The following CASK variants were observed in gnomAD, a reference collection of about 807,000 sequenced individuals.
CASK encodes calcium/calmodulin dependent serine protein kinase.
A neutral mutation model predicts 82.9 loss-of-function variants in CASK; 4 were observed. The ratio of observed to expected loss-of-function variants is 0.05; its 90% CI spans 0.02 to 0.11. The LOEUF (loss-of-function observed/expected upper bound fraction) is 0.11, where lower values mean the gene tolerates loss of function less well. CASK is among the 10% of genes least tolerant of loss of function. CASK has a pLI of 1.00. For missense variants in CASK, 358 were observed against 720.9 expected (o/e 0.50, Z 5.76); for synonymous variants, 259 against 253.5 (o/e 1.02, Z -0.20).
Position 41,692,039 on chromosome X carries a change from G to A in CASK, c.430-20509C>T, listed in dbSNP as rs186954652. Among the ~76,000 whole-genome samples the A allele has an allele frequency of 1.2e-3, 134 of 110,758 alleles. 2 individuals carry two copies. The highest frequency in any genetic ancestry group is 4.3e-3 in the African/African-American group (130 of 30,466). ...CTCCCAAAGTGTTGGGATTACAGGCGTGAGCCACTGTACCTGGCCAACCTT... is the reference window on the plus strand; with the variant it reads ...CTCCCAAAGTGTTGGGATTACAGGCATGAGCCACTGTACCTGGCCAACCTT... On this transcript the variant is annotated intron_variant, in intron 5 of 26. Coordinates refer to ENST00000378163, the MANE Select transcript of CASK (RefSeq NM_001367721.1).
chrX:41,909,643 C>T (rs1044936479), intron 1 of CASK, among the ~76,000 whole-genome samples: 2 of 110,297 alleles, frequency 1.8e-5, no homozygotes, highest in East Asian at 5.8e-4. Flanking sequence ...CTCGCTCTAT[C>T]GCCCAGGCTG....
chrX:41,538,348 T>G (rs1200856797), intron 22 of CASK, among the ~76,000 whole-genome samples: 1 of 111,843 alleles, frequency 8.9e-6, no homozygotes, highest in Non-Finnish European at 1.9e-5. Flanking sequence ...AATAGAGTAT[T>G]TCGGGGCTCT....
At chrX:41,837,159 A>C (rs752581383) in intron 2 of CASK, among the ~76,000 whole-genome samples, 90 of 112,170 alleles carry the variant, frequency 8.0e-4, no homozygotes, top group East Asian at 2.8e-3. Context: ...ATTTTTTAAA[A>C]TTTTAAAATA....
At chrX:41,904,329 A>C (rs1235344439) in intron 1 of CASK, among the ~76,000 whole-genome samples, 3 of 112,085 alleles carry the variant, frequency 2.7e-5, no homozygotes, top group Non-Finnish European at 5.6e-5. Flanking sequence ...TGAATCTAGC[A>C]AAGTTGCAGG....
intron 3 of CASK, among the ~76,000 whole-genome samples, chrX:41,776,030 TATA>T (rs2069357888): frequency 9.0e-6 from 1 of 110,767 alleles, no homozygotes; most frequent in African/African-American, 3.3e-5. Context: ...AAACTTAAGG[TATA>T]ATAATAATAA....
At position 41,515,348 on chromosome X, in the gene CASK, T is replaced by C. The variant is rs1278120435; in HGVS notation, c.*5072A>G. 8.9e-6 allele frequency: 1 copy of C among 112,625 alleles called. No homozygotes were observed. Among genetic ancestry groups the C allele is most frequent in the African/African-American group, 3.2e-5 (1 of 31,022 alleles). The allele number at this position is 112,625 out of a possible 1,213,427, so 9.3% of individuals were successfully genotyped here. On this transcript the variant is annotated 3_prime_UTR_variant, in exon 27 of 27. Transcript: ENST00000378163. ...TGCTGTACCCTGCAAATACTTACAA[T>C]TGGATACGGTGAAATATACAACAAC...
chrX:41,592,945 C>T (rs895079382), intron 12 of CASK, among the ~76,000 whole-genome samples: 2 of 111,981 alleles, frequency 1.8e-5, no homozygotes, highest in Admixed American at 1.9e-4. Flanking sequence ...TGCCTGGAAT[C>T]TCTTTTGAGG....
At chrX:41,631,411 A>C (rs1458378990) in intron 9 of CASK, among the ~76,000 whole-genome samples, 1 of 111,690 alleles carries the variant, frequency 9.0e-6, no homozygotes, top group African/African-American at 3.3e-5. Context: ...TGGGCAACAG[A>C]GTGAGACCCT....
chrX:41,882,481 T>C (rs2071970047), intron 1 of CASK, among the ~76,000 whole-genome samples: 1 of 111,448 alleles, frequency 9.0e-6, no homozygotes. Flanking sequence ...CTAAAATTGA[T>C]TGAGCACATT....
intron 2 of CASK, among the ~76,000 whole-genome samples, chrX:41,831,297 A>G (rs1280303755): frequency 9.0e-6 from 1 of 111,475 alleles, no homozygotes; most frequent in Non-Finnish European, 1.9e-5. Flanking sequence ...AGACAGACCA[A>G]CTTGGATTCA....
intron 1 of CASK, among the ~76,000 whole-genome samples, chrX:41,913,370 A>G (rs1276587204): frequency 1.8e-5 from 2 of 112,253 alleles, no homozygotes; most frequent in African/African-American, 6.5e-5. Context: ...TTAAAAAATA[A>G]TAATAATGAC....
Position 41,626,552 on chromosome X carries a change from G to C in CASK, c.1015+52C>G, listed in dbSNP as rs781055716. ...AGTTTATTCACAATGGGAGAGAATG[G>C]ATGTAAATGCCAAATGACCCACACA... On this transcript the variant is annotated intron_variant, in intron 10 of 26. Transcript: ENST00000378163. 85 of 742,404 alleles carry C rather than the reference G, an allele frequency of 1.1e-4. 1 individual carries two copies. The South Asian group carries it at 1.8e-3, about 16-fold the overall frequency. 61.2% of individuals were successfully genotyped at this position (742,404 alleles called of 1,213,427 possible).
intron 12 of CASK, among the ~76,000 whole-genome samples, chrX:41,607,207 G>A (rs771300732): frequency 3.6e-5 from 4 of 112,486 alleles, no homozygotes; most frequent in South Asian, 3.7e-4. Flanking sequence ...GCAGTTATTC[G>A]TGTCTGAATA....
At chrX:41,822,626 G>A (rs1341139196) in intron 2 of CASK, among the ~76,000 whole-genome samples, 1 of 108,036 alleles carries the variant, frequency 9.3e-6, no homozygotes, top group African/African-American at 3.4e-5. Flanking sequence ...TAGAAGTTAG[G>A]TAACTTTCAC....
intron 22 of CASK, among the ~76,000 whole-genome samples, chrX:41,536,180 C>T (rs1023638664): frequency 2.7e-5 from 3 of 111,008 alleles, no homozygotes; most frequent in East Asian, 2.8e-4. Context: ...TGCAGTGGCG[C>T]GATCTCGGCT....
chrX:41,598,972 T>C (rs1391777449), intron 12 of CASK, among the ~76,000 whole-genome samples: 2 of 112,070 alleles, frequency 1.8e-5, no homozygotes, highest in Non-Finnish European at 3.8e-5. Context: ...ATTTCATTCA[T>C]TTTGAAAATT....
chrX:41,758,846 T>C (rs190655975), intron 3 of CASK, among the ~76,000 whole-genome samples: 1 of 112,511 alleles, frequency 8.9e-6, no homozygotes, highest in African/African-American at 3.2e-5. Context: ...AATTCTGATA[T>C]ACTGTCAAAG....
intron 7 of CASK, among the ~76,000 whole-genome samples, chrX:41,661,326 G>A (rs941904087): frequency 9.0e-6 from 1 of 110,884 alleles, no homozygotes; most frequent in African/African-American, 3.3e-5. Context: ...GAAGGCAAGT[G>A]GGGAAAGGAG....
intron 8 of CASK, among the ~76,000 whole-genome samples, chrX:41,649,835 G>C (rs902545019): frequency 1.8e-5 from 2 of 111,043 alleles, no homozygotes; most frequent in Admixed American, 1.9e-4. Context: ...TGATCTGTCT[G>C]ATATTGACAG....
Sources: allele counts gnomAD v4.1 joint callset (sites outside exome capture counted in the v4.1 genomes callset), GRCh38; gene constraint gnomAD v4.1.1; transcripts MANE v1.5; gene names NCBI Gene and HGNC (gene_info 2026-07-23, HGNC 2026-07-21).